SZT2: variants seen among roughly 807,000 people sequenced by gnomAD.
SZT2 encodes SZT2 subunit of KICSTOR complex, also known as KICSTOR complex protein SZT2.
In SZT2, 216 loss-of-function variants were observed where a neutral mutation model predicts 404.2. The ratio of observed to expected loss-of-function variants is 0.53; its 90% CI spans 0.48 to 0.60. The LOEUF (loss-of-function observed/expected upper bound fraction) is 0.60, where lower values mean the gene tolerates loss of function less well. SZT2 is among the 20% of genes least tolerant of loss of function. SZT2 has a pLI of 0.00. For missense variants in SZT2, 3,857 were observed against 4,459.2 expected (o/e 0.86, Z 3.85); for synonymous variants, 1,693 against 1,749.9 (o/e 0.97, Z 0.81).
Position 43,441,627 on chromosome 1 carries a change from C to T in SZT2, c.7609+26C>T, listed in dbSNP as rs1483975286. ...GTGAGACCCCAGCCTCCCCTCCCAT[C>T]CCTCAACCCCAGCCTGGTCTCCATC... On this transcript the variant is annotated intron_variant, in intron 54 of 71. Transcript: ENST00000634258. The surrounding 1 kb of genome is among the most constrained non-coding windows in gnomAD (Gnocchi z 4.8). 2 of 1,613,974 alleles carry T rather than the reference C, an allele frequency of 1.2e-6. No homozygotes were observed. Among genetic ancestry groups the T allele is most frequent in the African/African-American group, 1.3e-5 (1 of 75,030 alleles).
chr1:43,414,424 T>A (rs55922027), intron 4 of SZT2, among the ~76,000 whole-genome samples: 6,043 of 151,966 alleles, frequency 0.04, 338 homozygotes, highest in African/African-American at 0.13. Context: ...CAAAAATTTT[T>A]AAAAAAAAAT....
chr1:43,423,077 T>C (rs1414240141), intron 14 of SZT2, 22 bp from the exon 15 acceptor site: 3 of 1,566,144 alleles, frequency 1.9e-6, no homozygotes, highest in Non-Finnish European at 2.6e-6. Context: ...AGTAAGAGGA[T>C]GTGACCACAT....
Position 43,427,023 on chromosome 1 carries a change from T to C in SZT2, c.3310-33T>C, listed in dbSNP as rs1472779759. The C allele has an allele frequency of 5.0e-6, 8 of 1,613,228 alleles. No homozygotes were observed. The African/African-American group carries it at 5.3e-5, about 11-fold the overall frequency. ...GGAACAGGGGTTGGACATTCCCTTA[T>C]AGATTGCTCTAATTTCTGTTTTTCT... On this transcript the variant is annotated intron_variant, in intron 23 of 71. Coordinates refer to ENST00000634258, the MANE Select transcript of SZT2 (RefSeq NM_001365999.1).
chr1:43,423,479 T>TATGAGTAGGTCA, intron 15 of SZT2, among the ~76,000 whole-genome samples, 163 bp downstream of exon 15: 1 of 105,472 alleles, frequency 9.5e-6, no homozygotes, highest in Admixed American at 1.0e-4. Flanking sequence ...CTTAGCGGGG[T>TATGAGTAGGTCA]GAGGTGTGGA....
intron 11 of SZT2, 76 bp from the exon 12 acceptor site, chr1:43,422,007 G>C: frequency 1.3e-6 from 2 of 1,484,960 alleles, no homozygotes; most frequent in Non-Finnish European, 1.8e-6. Context: ...GTCCACCCAT[G>C]GTTTTGTTTG....
Position 43,425,653 on chromosome 1 carries a change from T to G in SZT2, c.2814+11T>G, listed in dbSNP as rs1653054603. On this transcript the variant is annotated intron_variant, in intron 19 of 71. Transcript: ENST00000634258. The surrounding 1 kb of genome is among the most constrained non-coding windows in gnomAD (Gnocchi z 4.3). ...GAGATCCCGCAAGCTGTGAGTGTCC[T>G]CAGAACAGTACCCGCACCTCTCTCA... 2 of 1,613,404 alleles carry G rather than the reference T, an allele frequency of 1.2e-6. No individual in the cohort carries two copies. Among genetic ancestry groups the G allele is most frequent in the South Asian group, 1.1e-5 (1 of 91,056 alleles).
intron 23 of SZT2, 30 bp from the exon 24 acceptor site, chr1:43,427,026 A>G (rs776631705): frequency 7.4e-6 from 12 of 1,613,412 alleles, no homozygotes. Flanking sequence ...TCCCTTATAG[A>G]TTGCTCTAAT....
At chr1:43,394,206 CTTTTT>C (rs3884380) in intron 1 of SZT2, 74 of 156,958 alleles carry the variant, frequency 4.7e-4, no homozygotes, top group Middle Eastern at 3.0e-3. Context: ...CCCATCAACT[CTTTTT>C]TTTTTTTTTT....
intron 7 of SZT2, among the ~76,000 whole-genome samples, chr1:43,418,939 A>T (rs999198126): frequency 2.2e-4 from 34 of 152,390 alleles, no homozygotes; most frequent in African/African-American, 7.7e-4. Flanking sequence ...TTTGTTCCAC[A>T]TGAAGCCAAG....
At chr1:43,430,421 G>C (rs1448517920) in intron 31 of SZT2, 32 bp downstream of exon 31, 2 of 1,603,576 alleles carry the variant, frequency 1.2e-6, no homozygotes, top group Admixed American at 1.7e-5. Context: ...GGTGGGGAAG[G>C]CTGGCTGCTT....
Position 43,450,729 on chromosome 1 carries a change from C to A in SZT2, c.*249C>A. 1 of 705,122 alleles carries A rather than the reference C, an allele frequency of 1.4e-6. No individual in the cohort carries two copies. Among genetic ancestry groups the A allele is most frequent in the Non-Finnish European group, 2.5e-6 (1 of 395,220 alleles). 43.7% of individuals were successfully genotyped at this position (705,122 alleles called of 1,614,324 possible). A position where few individuals can be genotyped will look rare whatever the true frequency, so the allele number is the denominator to read the frequency against. ...GAGAGTCAGGTCAACCCCGAGGACC[C>A]CTTGGGCCCTTCTGGGGTACTCCTT... On this transcript the variant is annotated 3_prime_UTR_variant, in exon 72 of 72. Transcript: ENST00000634258. The surrounding 1 kb of genome is among the most constrained non-coding windows in gnomAD (Gnocchi z 4.3).
chr1:43,421,387 T>A, intron 11 of SZT2, 84 bp downstream of exon 11: 1 of 1,536,954 alleles, frequency 6.5e-7, no homozygotes, highest in South Asian at 1.2e-5. Context: ...CCACCTTCTA[T>A]TCCTTTCTGT....
At position 43,443,751 on chromosome 1, in the gene SZT2, T is replaced by C. The variant is rs1655349433; in HGVS notation, c.8780T>C (p.Ile2927Thr). The C allele has an allele frequency of 8.1e-6, 13 of 1,614,120 alleles. No homozygotes were observed. Among genetic ancestry groups the C allele is most frequent in the Non-Finnish European group, 1.1e-5 (13 of 1,180,028 alleles). The change falls in exon 62 of 72, where the codon ATA becomes ACA. Residue 2927 changes from isoleucine to threonine, a missense_variant. Ile to Thr is a moderately conservative substitution (Grantham distance 89). Transcript: ENST00000634258. ...LQQYVQYLQS[I>T]GFVLVPLRPP... is the part of the protein sequence containing the mutation. ...CAATATGTGCAGTATCTGCAGAGCATAGGTTTTGTGCTGGTACCACTGCGG... is the reference window on the plus strand; with the variant it reads ...CAATATGTGCAGTATCTGCAGAGCACAGGTTTTGTGCTGGTACCACTGCGG...
chr1:43,413,024 T>A, intron 4 of SZT2, among the ~76,000 whole-genome samples: 1 of 152,214 alleles, frequency 6.6e-6, no homozygotes, highest in East Asian at 1.9e-4. Context: ...CTGGTGAGGA[T>A]GTGGAGAAAA....
At chr1:43,431,652 G>T (rs778230505) in intron 35 of SZT2, 64 bp from the exon 36 acceptor site, 6 of 1,602,572 alleles carry the variant, frequency 3.7e-6, no homozygotes, top group Non-Finnish European at 4.3e-6. Flanking sequence ...CTTCTAGTCC[G>T]GGAGTAAGGG....
At chr1:43,405,749 A>T (rs1342540031) in intron 4 of SZT2, 1 of 152,238 alleles carries the variant, frequency 6.6e-6, no homozygotes, top group Non-Finnish European at 1.5e-5. Flanking sequence ...CTGCATCCCC[A>T]GATGGGGGCC....
chr1:43,421,027 A>G, intron 10 of SZT2, 44 bp downstream of exon 10: 2 of 1,594,830 alleles, frequency 1.3e-6, no homozygotes, highest in Non-Finnish European at 1.7e-6. Flanking sequence ...CATTTGTTGT[A>G]TGGAGGGACA....
intron 1 of SZT2, among the ~76,000 whole-genome samples, chr1:43,399,946 A>T (rs867989977): frequency 2.7e-4 from 41 of 151,186 alleles, no homozygotes; most frequent in African/African-American, 1.0e-3. Flanking sequence ...TATTATTTTT[A>T]TTTATTTTTT....
chr1:43,434,611 C>T, intron 41 of SZT2, 126 bp downstream of exon 41: 1 of 858,888 alleles, frequency 1.2e-6, no homozygotes. Flanking sequence ...TTTGACTTCC[C>T]CAGTTAGTAG....
Sources: gnomAD v4.1 joint callset for allele counts (sites outside exome capture counted in the v4.1 genomes callset) on GRCh38, gnomAD v4.1.1 for gene constraint, Gnocchi (gnomAD v3.1) non-coding constraint, MANE v1.5 for transcripts, NCBI Gene and HGNC (gene_info 2026-07-23, HGNC 2026-07-21) for gene names.